Variants in NEDD4L observed in about 807,000 individuals in gnomAD.
The protein encoded by NEDD4L is NEDD4 like E3 ubiquitin protein ligase.
Under a neutral mutation model 148.9 loss-of-function variants are expected in NEDD4L, and 54 were observed. The observed-to-expected ratio is 0.36, with a 90% CI of 0.29 to 0.45. The LOEUF (loss-of-function observed/expected upper bound fraction) is 0.45, where lower values mean the gene tolerates loss of function less well. Ranked by LOEUF, NEDD4L falls within the 20% of genes least tolerant of loss-of-function variation. The pLI, the probability that NEDD4L is intolerant of heterozygous loss-of-function variation, is 1.00. For synonymous variants in NEDD4L, 433 were observed against 440.7 expected (o/e 0.98, Z 0.22); for missense variants, 856 against 1,233.8 (o/e 0.69, Z 4.59).
chr18:58,044,814 T>C, intron 1 of NEDD4L, 106 bp downstream of exon 1: 1 of 1,408,044 alleles, frequency 7.1e-7, no homozygotes, highest in Non-Finnish European at 9.5e-7. Context: ...GCCCAGCGTC[T>C]GCAGGGGAGC....
chr18:58,088,881 G>A (rs1030678547), intron 1 of NEDD4L, among the ~76,000 whole-genome samples: 5 of 151,874 alleles, frequency 3.3e-5, no homozygotes, highest in Non-Finnish European at 7.4e-5. Flanking sequence ...TTTACTTGTG[G>A]GAAAAAAAGC....
chr18:58,328,913 C>T, intron 9 of NEDD4L, 82 bp from the exon 10 acceptor site: 1 of 1,531,756 alleles, frequency 6.5e-7, no homozygotes, highest in Admixed American at 1.7e-5. Flanking sequence ...GCCATCTGGC[C>T]CTCCGTGAGC....
intron 1 of NEDD4L, among the ~76,000 whole-genome samples, chr18:58,063,238 G>T (rs1474038511): frequency 6.6e-6 from 1 of 150,774 alleles, no homozygotes; most frequent in African/African-American, 2.4e-5. Context: ...TTTATTTTTT[G>T]TAGAGACAAG....
intron 1 of NEDD4L, chr18:58,149,411 C>T (rs958272425): frequency 2.0e-6 from 3 of 1,502,856 alleles, no homozygotes; most frequent in Non-Finnish European, 1.8e-6. Context: ...GACCTTGTCA[C>T]CCGGCAGTGG....
At chr18:58,303,633 A>G (rs78800892) in intron 5 of NEDD4L, among the ~76,000 whole-genome samples, 106 of 152,342 alleles carry the variant, frequency 7.0e-4, no homozygotes, top group African/African-American at 2.5e-3. Flanking sequence ...ACTCTGGTAC[A>G]TGGAGCTTTG....
chr18:58,317,434 CT>C (rs2058391101), intron 6 of NEDD4L, among the ~76,000 whole-genome samples: 1 of 152,192 alleles, frequency 6.6e-6, no homozygotes, highest in Non-Finnish European at 1.5e-5. Flanking sequence ...TGGGCCAGCT[CT>C]TTTATGGACG....
chr18:58,251,297 A>C (rs1182199503), intron 4 of NEDD4L, among the ~76,000 whole-genome samples: 1 of 152,206 alleles, frequency 6.6e-6, no homozygotes, highest in Non-Finnish European at 1.5e-5. Flanking sequence ...AGGCCAAGGC[A>C]TGCAGATAGC....
At chr18:58,149,257 G>C (rs1287306298) in intron 1 of NEDD4L, 19 of 492,328 alleles carry the variant, frequency 3.9e-5, no homozygotes, top group Non-Finnish European at 5.3e-5. Flanking sequence ...GCAGTCCTGG[G>C]AGAGGCTGGA....
rs74183235 is a variant in NEDD4L, at chr18:58,063,039, C to CT, written c.48+18355dup. On this transcript the variant is annotated intron_variant, in intron 1 of 30. Coordinates refer to ENST00000400345, the MANE Select transcript of NEDD4L (RefSeq NM_001144967.3). ...GGGTCGATAATTTCATTTATTTGTTCTTTTTTTTTTTTTTTTTTTTTTTTG... is the reference window on the plus strand; with the variant it reads ...GGGTCGATAATTTCATTTATTTGTTCTTTTTTTTTTTTTTTTTTTTTTTTTG... 3.7e-3 allele frequency among the ~76,000 whole-genome samples: 338 copies of CT among 91,114 alleles called. 2 individuals are homozygous for CT. The highest frequency in any genetic ancestry group is 0.014 in the Middle Eastern group (1 of 74). 59.8% of individuals were successfully genotyped at this position (91,114 alleles called of 152,430 possible).
intron 7 of NEDD4L, 24 bp downstream of exon 7, chr18:58,322,510 GTGGGGA>G (rs2058887988): frequency 7.5e-7 from 1 of 1,331,856 alleles, no homozygotes; most frequent in Non-Finnish European, 1.1e-6. Flanking sequence ...GTATGGGTGG[GTGGGGA>G]TGCCTGCCCT....
intron 5 of NEDD4L, among the ~76,000 whole-genome samples, chr18:58,314,906 T>C (rs1251438432): frequency 6.6e-6 from 1 of 152,214 alleles, no homozygotes; most frequent in Non-Finnish European, 1.5e-5. Context: ...CTGCTTCCTT[T>C]TAAATGGAAG....
At chr18:58,351,199 G>T (rs1048310651) in intron 18 of NEDD4L, 154 bp downstream of exon 18, 20 of 984,948 alleles carry the variant, frequency 2.0e-5, no homozygotes, top group Non-Finnish European at 2.4e-5. Context: ...GCCTTCATAC[G>T]GTACTGTGCA....
chr18:58,044,570 G>C lies in NEDD4L; in HGVS notation c.-91G>C, dbSNP rs1305622078. On this transcript the variant is annotated 5_prime_UTR_variant, in exon 1 of 31. Coordinates refer to ENST00000400345, the MANE Select transcript of NEDD4L (RefSeq NM_001144967.3). Reference sequence around the variant, plus strand: ...GTGCGCAGGGTAGGGTGCGGGACCGGGGGGACCTGGAGGCAGAGGGGAGAA... The same window carrying C: ...GTGCGCAGGGTAGGGTGCGGGACCGCGGGGACCTGGAGGCAGAGGGGAGAA... 1 of 1,422,974 alleles carries C rather than the reference G, an allele frequency of 7.0e-7. No individual in the cohort carries two copies. The highest frequency in any genetic ancestry group is 9.2e-7 in the Non-Finnish European group (1 of 1,084,310). The allele number at this position is 1,422,974 out of a possible 1,614,324, so 88.1% of individuals were successfully genotyped here. A position where few individuals can be genotyped will look rare whatever the true frequency, so the allele number is the denominator to read the frequency against.
At chr18:58,065,730 C>T (rs1406544059) in intron 1 of NEDD4L, among the ~76,000 whole-genome samples, 1 of 152,226 alleles carries the variant, frequency 6.6e-6, no homozygotes, top group Non-Finnish European at 1.5e-5. Context: ...CTTACGATAA[C>T]ACCTCATTCA....
In NEDD4L at chr18:58,137,998, G is replaced by C. The variant is rs966894395; in HGVS notation, c.49-27790G>C. On this transcript the variant is annotated intron_variant, in intron 1 of 30. Transcript: ENST00000400345. ...CATGTTCCTGAGGAAGTCTGGCCCA[G>C]AGCCGTCCAGGTGGTCTGACCTGGG... Among the ~76,000 whole-genome samples the C allele has an allele frequency of 2.0e-5, 3 of 152,266 alleles. No individual in the cohort carries two copies. The East Asian group carries it at 5.8e-4, about 29-fold the overall frequency.
chr18:58,050,033 G>GTAGT (rs2081793328), intron 1 of NEDD4L, among the ~76,000 whole-genome samples: 1 of 150,446 alleles, frequency 6.6e-6, no homozygotes, highest in South Asian at 2.1e-4. Context: ...CTTCAATGAT[G>GTAGT]TAGTGTCTGT....
intron 24 of NEDD4L, among the ~76,000 whole-genome samples, chr18:58,374,590 C>A (rs8092866): frequency 2.6e-5 from 4 of 151,810 alleles, no homozygotes; most frequent in Non-Finnish European, 5.9e-5. Flanking sequence ...CAGCTGCTGC[C>A]CCTCTGGTCT....
intron 5 of NEDD4L, among the ~76,000 whole-genome samples, chr18:58,292,326 C>G (rs1445868197): frequency 6.6e-6 from 1 of 152,114 alleles, no homozygotes; most frequent in Non-Finnish European, 1.5e-5. Context: ...ATAGATGTCT[C>G]GAGGTGCTCC....
At position 58,305,649 on chromosome 18, in the gene NEDD4L, C is replaced by T. The variant is rs1019187768; in HGVS notation, c.298-10333C>T. 7.2e-5 allele frequency among the ~76,000 whole-genome samples: 11 copies of T among 152,298 alleles called. No homozygotes were observed. In the South Asian group the frequency reaches 8.3e-4, roughly 11 times the overall value. Reference sequence around the variant, plus strand: ...GCCTAAACGAGCACCTGCTAGACTCCGAAATCTAGTTAATGGAAGTTTCTC... The same window carrying T: ...GCCTAAACGAGCACCTGCTAGACTCTGAAATCTAGTTAATGGAAGTTTCTC... On this transcript the variant is annotated intron_variant, in intron 5 of 30. Coordinates refer to ENST00000400345, the MANE Select transcript of NEDD4L (RefSeq NM_001144967.3).
Sources: allele counts gnomAD v4.1 joint callset (sites outside exome capture counted in the v4.1 genomes callset), GRCh38; gene constraint gnomAD v4.1.1; transcripts MANE v1.5; gene names NCBI Gene and HGNC (gene_info 2026-07-23, HGNC 2026-07-21).